IFRD2: variants seen among roughly 807,000 people sequenced by gnomAD.
IFRD2 encodes interferon related developmental regulator 2.
In IFRD2, 35 loss-of-function variants were observed where a neutral mutation model predicts 49.2. The observed-to-expected ratio is 0.71, with a 90% CI of 0.54 to 0.94. IFRD2 has a LOEUF of 0.94. Among genes scored for constraint, IFRD2 ranks in the 40% least tolerant of loss-of-function variants. The pLI is 0.00. For missense variants in IFRD2, 561 were observed against 591.6 expected (o/e 0.95, Z 0.54); for synonymous variants, 275 against 239.7 (o/e 1.15, Z -1.36).
At position 50,288,102 on chromosome 3, in the gene IFRD2, A is replaced by AAAT; in HGVS notation, c.*86_*88dup. On this transcript the variant is annotated 3_prime_UTR_variant, in exon 12 of 12. Transcript: ENST00000417626. ...TTGTCATTAAAAAAAATAAAGTGAC[A>AAAT]AATACTGGTGGAGACCAGTTGTTGC... The AAAT allele has an allele frequency of 8.4e-7, 1 of 1,191,692 alleles. No individual in the cohort carries two copies. Among genetic ancestry groups the AAAT allele is most frequent in the African/African-American group, 1.5e-5 (1 of 65,674 alleles). The allele number at this position is 1,191,692 out of a possible 1,614,324, so 73.8% of individuals were successfully genotyped here.
At chr3:50,291,016 T>C (rs1306325792) in intron 1 of IFRD2, among the ~76,000 whole-genome samples, 2 of 149,644 alleles carry the variant, frequency 1.3e-5, no homozygotes, top group Non-Finnish European at 3.0e-5. Context: ...CCTTTTTTTT[T>C]TTTTTTTTTT....
At position 50,292,196 on chromosome 3, in the gene IFRD2, C is replaced by T; in HGVS notation, c.58+21G>A. On this transcript the variant is annotated intron_variant, in intron 1 of 11. Transcript: ENST00000417626. ...CCGCCCGCCGCTCATACAGCTGTCC[C>T]GCGCCCCCCACCCCACTCACCTCCT... 8 of 1,449,886 alleles carry T rather than the reference C, an allele frequency of 5.5e-6. No homozygotes were observed. In the Admixed American group the frequency reaches 1.7e-4, roughly 31 times the overall value. The allele number at this position is 1,449,886 out of a possible 1,614,324, so 89.8% of individuals were successfully genotyped here. A position where few individuals can be genotyped will look rare whatever the true frequency, so the allele number is the denominator to read the frequency against.
chr3:50,289,101 G>A, intron 8 of IFRD2, 154 bp downstream of exon 8: 2 of 1,165,202 alleles, frequency 1.7e-6, no homozygotes, highest in Non-Finnish European at 2.5e-6. Flanking sequence ...ACTGCTGAGG[G>A]CACCCATCAT....
Position 50,289,421 on chromosome 3 carries a change from C to T in IFRD2, c.779+26G>A, listed in dbSNP as rs116793972. The T allele has an allele frequency of 6.8e-4, 1,067 of 1,568,940 alleles. 8 individuals are homozygous for T. The African/African-American group carries it at 0.013, about 18-fold the overall frequency. On this transcript the variant is annotated intron_variant, in intron 7 of 11. Coordinates refer to ENST00000417626, the MANE Select transcript of IFRD2 (RefSeq NM_006764.5). ...TGGGGGCCTCTTTGAGATCCCCTCC[C>T]CCTCCCAGTGGACAGCCACCCCTAC...
At position 50,290,037 on chromosome 3, in the gene IFRD2, G is replaced by A. The variant is rs781819719; in HGVS notation, c.438C>T (p.Cys146=). The A allele has an allele frequency of 4.3e-6, 7 of 1,613,536 alleles. No individual in the cohort carries two copies. Among genetic ancestry groups the A allele is most frequent in the African/African-American group, 1.3e-5 (1 of 74,938 alleles). Residue 146 remains cysteine (C), a synonymous_variant, in exon 5 of 12, where the codon TGC becomes TGT. Transcript: ENST00000417626. ...CCTTAGGTCCAGGGCCCAGCTGCAC[G>A]CAGAGCAGGCCTAGCACAGCAGCAG... ...ALAAAVLGLL[C]VQLGPGPKGE...
intron 1 of IFRD2, among the ~76,000 whole-genome samples, chr3:50,290,922 G>C (rs1227645733): frequency 2.0e-5 from 3 of 151,992 alleles, no homozygotes; most frequent in Non-Finnish European, 4.4e-5. Context: ...GTGATCACCA[G>C]GCTGGCCCTA....
intron 5 of IFRD2, 80 bp downstream of exon 5, chr3:50,289,849 A>T: frequency 6.3e-7 from 1 of 1,592,988 alleles, no homozygotes; most frequent in South Asian, 1.1e-5. Flanking sequence ...AGAGTAAAGG[A>T]GGCTGAAGAT....
intron 1 of IFRD2, among the ~76,000 whole-genome samples, chr3:50,290,965 G>A (rs1295945703): frequency 6.6e-6 from 1 of 151,158 alleles, no homozygotes; most frequent in African/African-American, 2.4e-5. Flanking sequence ...CTCATCTGCA[G>A]GACAAAGTCC....
chr3:50,289,803 G>A lies in IFRD2; in HGVS notation c.547-41C>T, dbSNP rs377440587. On this transcript the variant is annotated intron_variant, in intron 5 of 11. Coordinates refer to ENST00000417626, the MANE Select transcript of IFRD2 (RefSeq NM_006764.5). Reference sequence around the variant, plus strand: ...CAATGCAATGCCACGGTCAGCGGGTGAACCTGGGTTCCCAGCCCTGGAGCT... The same window carrying A: ...CAATGCAATGCCACGGTCAGCGGGTAAACCTGGGTTCCCAGCCCTGGAGCT... The A allele has an allele frequency of 3.1e-6, 5 of 1,588,768 alleles. No individual in the cohort carries two copies. The South Asian group carries it at 3.4e-5, about 11-fold the overall frequency.
rs782405239 is a variant in IFRD2 at position 50,292,197 on chromosome 3, G to T, written c.58+20C>A. 3 of 1,349,458 alleles carry T rather than the reference G, an allele frequency of 2.2e-6. No homozygotes were observed. The highest frequency in any genetic ancestry group is 3.0e-6 in the Non-Finnish European group (3 of 1,011,656). The allele number at this position is 1,349,458 out of a possible 1,614,324, so 83.6% of individuals were successfully genotyped here. A position where few individuals can be genotyped will look rare whatever the true frequency, so the allele number is the denominator to read the frequency against. ...CGCCCGCCGCTCATACAGCTGTCCC[G>T]CGCCCCCCACCCCACTCACCTCCTC... On this transcript the variant is annotated intron_variant, in intron 1 of 11. Transcript: ENST00000417626.
At position 50,290,465 on chromosome 3, in the gene IFRD2, A is replaced by G. The variant is rs587677232; in HGVS notation, c.186T>C (p.Asp62=). ...CCTGCTGGCCCTGCTCATCCACGAC[A>G]TCCCCCCCTGCAAGGCCACCTGGTC... is the stretch of plus-strand genomic sequence containing the variant. ...STTAEDSLGG[D]VVDEQGQQED... Residue 62 remains aspartate, a synonymous_variant, in exon 3 of 12, where the codon GAT becomes GAC. Coordinates refer to ENST00000417626, the MANE Select transcript of IFRD2 (RefSeq NM_006764.5). The G allele has an allele frequency of 1.3e-6, 2 of 1,578,350 alleles. No homozygotes were observed. Among genetic ancestry groups the G allele is most frequent in the Non-Finnish European group, 1.7e-6 (2 of 1,160,994 alleles).
rs781937937 is a variant in IFRD2 at position 50,290,672 on chromosome 3, C to G, written c.66G>C (p.Arg22=). The change falls in exon 2 of 12, where the codon CGG becomes CGC. Residue 22 remains arginine (R), a synonymous_variant. Transcript: ENST00000417626. ...AACCCGAGTCAGCTTGGGCACTGCTCCGGGCACCTGGAGAAGGTGGAATAG... is the reference window on the plus strand; with the variant it reads ...AACCCGAGTCAGCTTGGGCACTGCTGCGGGCACCTGGAGAAGGTGGAATAG... ...KGGQRRGGGA[R]SSAQADSGSS... is the part of the protein sequence containing the mutation. 2 of 1,613,612 alleles carry G rather than the reference C, an allele frequency of 1.2e-6. No individual in the cohort carries two copies. Among genetic ancestry groups the G allele is most frequent in the Non-Finnish European group, 1.7e-6 (2 of 1,179,766 alleles).
Position 50,290,613 on chromosome 3 carries a change from C to T in IFRD2, c.125G>A (p.Ser42Asn). The T allele has an allele frequency of 6.2e-7, 1 of 1,613,990 alleles. No homozygotes were observed. Among genetic ancestry groups the T allele is most frequent in the Non-Finnish European group, 8.5e-7 (1 of 1,179,896 alleles). Residue 42 changes from serine to asparagine, a missense_variant, in exon 2 of 12, where the codon AGC becomes AAC. Ser to Asn is a conservative substitution (Grantham distance 46). Coordinates refer to ENST00000417626, the MANE Select transcript of IFRD2 (RefSeq NM_006764.5). Reference sequence around the variant, plus strand: ...AAGGCTGGGGCATTCACTGGCGGTGCTGCGGGCCTCACTGGCTGCCTCATC... The same window carrying T: ...AAGGCTGGGGCATTCACTGGCGGTGTTGCGGGCCTCACTGGCTGCCTCATC... ...SDDEAASEAR[S>N]TASECPSLLS... is the part of the protein sequence containing the mutation.
At position 50,289,314 on chromosome 3, in the gene IFRD2, G is replaced by A. The variant is rs199880321; in HGVS notation, c.826C>T (p.Leu276=). 5.3e-5 allele frequency: 85 copies of A among 1,601,218 alleles called. No individual in the cohort carries two copies. The highest frequency in any genetic ancestry group is 4.1e-4 in the African/African-American group (31 of 74,826). The part of the protein sequence containing the change: ...PQLLSSESVN[L]RIAAGETIAL... ...ATGGTTTCACCGGCAGCGATCCGCA[G>A]GTTCACACTTTCACTGGACAAGAGC... is the stretch of plus-strand genomic sequence containing the variant. The change falls in exon 8 of 12, where the codon CTG becomes TTG. Residue 276 remains leucine (L), a synonymous_variant. Transcript: ENST00000417626.
At position 50,289,487 on chromosome 3, in the gene IFRD2, T is replaced by C; in HGVS notation, c.739A>G (p.Thr247Ala). Residue 247 changes from threonine (T) to alanine (A), a missense_variant, in exon 7 of 12, where the codon ACC (threonine) becomes GCC (alanine). Thr to Ala is a moderately conservative substitution (Grantham distance 58). Transcript: ENST00000417626. ...AALQAWALLL[T>A]ICPSTQISHI... is the part of the protein sequence containing the mutation. ...CTGATTTGGGTGCTAGGGCAGATGG[T>C]GAGCAGCAATGCCCAGGCCTGCAGG... The C allele has an allele frequency of 6.3e-7, 1 of 1,583,348 alleles. No individual in the cohort carries two copies. Among genetic ancestry groups the C allele is most frequent in the Non-Finnish European group, 8.6e-7 (1 of 1,164,626 alleles).
At chr3:50,289,085 G>A (rs1489437636) in intron 8 of IFRD2, 148 bp from the exon 9 acceptor site, 2 of 1,241,024 alleles carry the variant, frequency 1.6e-6, no homozygotes, top group East Asian at 5.1e-5. Flanking sequence ...GTCAGGCCAG[G>A]ACACCACTGC....
chr3:50,288,183 G>A lies in IFRD2; in HGVS notation c.*8C>T, dbSNP rs1233107144. The A allele has an allele frequency of 6.2e-7, 1 of 1,611,142 alleles. No homozygotes were observed. The highest frequency in any genetic ancestry group is 8.5e-7 in the Non-Finnish European group (1 of 1,177,598). On this transcript the variant is annotated 3_prime_UTR_variant, in exon 12 of 12. Coordinates refer to ENST00000417626, the MANE Select transcript of IFRD2 (RefSeq NM_006764.5). ...GCATAGAAAGTCTCCTCTTCAGCAG[G>A]TCCTGCTTCACAGGATGTCTGCCCG...
Position 50,292,367 on chromosome 3 carries a change from C to T in IFRD2, c.-93G>A, listed in dbSNP as rs1701696782. 1.3e-6 allele frequency: 2 copies of T among 1,575,428 alleles called. No individual in the cohort carries two copies. Among genetic ancestry groups the T allele is most frequent in the Non-Finnish European group, 1.7e-6 (2 of 1,165,774 alleles). ...CGCCGGCCGGTGCGCTGCGCTGAGACTTGGCCAGACGACGGGAGCCACACG... is the reference window on the plus strand; with the variant it reads ...CGCCGGCCGGTGCGCTGCGCTGAGATTTGGCCAGACGACGGGAGCCACACG... On this transcript the variant is annotated 5_prime_UTR_variant, in exon 1 of 12. Coordinates refer to ENST00000417626, the MANE Select transcript of IFRD2 (RefSeq NM_006764.5).
chr3:50,290,874 G>A (rs1472696916), intron 1 of IFRD2, among the ~76,000 whole-genome samples, 195 bp from the exon 2 acceptor site: 1 of 152,180 alleles, frequency 6.6e-6, no homozygotes, highest in Non-Finnish European at 1.5e-5. Flanking sequence ...GGCTGACATT[G>A]GCAAGGTTGG....
Sources: gnomAD v4.1 joint callset for allele counts (sites outside exome capture counted in the v4.1 genomes callset) on GRCh38, gnomAD v4.1.1 for gene constraint, MANE v1.5 for transcripts, NCBI Gene and HGNC (gene_info 2026-07-23, HGNC 2026-07-21) for gene names.